PCDHA1: variants seen among roughly 807,000 people sequenced by gnomAD.
The protein encoded by PCDHA1 is protocadherin alpha 1, also known as protocadherin alpha-1.
Under a neutral mutation model 61.3 loss-of-function variants are expected in PCDHA1, and 42 were observed. The observed-to-expected ratio is 0.69, with a 90% CI of 0.54 to 0.89. PCDHA1 has a LOEUF of 0.89. Ranked by LOEUF, PCDHA1 falls within the 40% of genes least tolerant of loss-of-function variation. PCDHA1 has a pLI of 0.00. For synonymous variants in PCDHA1, 610 were observed against 553.8 expected, an observed-to-expected ratio of 1.10 and a Z score of -1.43; for missense variants, 1,256 against 1,235.3, an observed-to-expected ratio of 1.02 and a Z score of -0.25.
At chr5:140,849,879 G>T (rs1554143450) in intron 1 of PCDHA1, 2 of 1,598,636 alleles carry the variant, frequency 1.3e-6, no homozygotes, top group Admixed American at 1.7e-5. Context: ...CGAGTACACG[G>T]TGTTCGTGAA....
At chr5:140,913,808 A>T (rs1332519291) in intron 1 of PCDHA1, among the ~76,000 whole-genome samples, 1 of 152,102 alleles carries the variant, frequency 6.6e-6, no homozygotes, top group Non-Finnish European at 1.5e-5. Context: ...TCAAATTTTC[A>T]ATTTCCTTTT....
In PCDHA1 at chr5:140,998,286, A is replaced by G. The variant is rs913397915; in HGVS notation, c.2543-11341A>G. Among the ~76,000 whole-genome samples, 51 of 152,230 alleles carry G rather than the reference A, an allele frequency of 3.4e-4. 1 individual carries two copies. Among genetic ancestry groups the G allele is most frequent in the Non-Finnish European group, 1.5e-5 (1 of 68,044 alleles). On this transcript the variant is annotated intron_variant, in intron 3 of 3. Coordinates refer to ENST00000504120, the MANE Select transcript of PCDHA1 (RefSeq NM_018900.4). ...AAACTGACACCCATAGGATTAAATC[A>G]GATCACACATTTAGTAAGGGCACCA...
Position 140,910,294 on chromosome 5 carries a change from A to C in PCDHA1, c.2395-68655A>C, listed in dbSNP as rs146332329. Among the ~76,000 whole-genome samples, 1,310 of 151,558 alleles carry C rather than the reference A, an allele frequency of 8.6e-3. 14 individuals carry two copies. The highest frequency in any genetic ancestry group is 0.03 in the African/African-American group (1,252 of 41,252). ...TCTAGGAACACCATGATTAATCAAC[A>C]GATGCCAGAGATCTACATGAGTCAG... On this transcript the variant is annotated intron_variant, in intron 1 of 3. Transcript: ENST00000504120.
intron 1 of PCDHA1, among the ~76,000 whole-genome samples, chr5:140,972,314 GTGT>G (rs1387433472): frequency 1.3e-5 from 2 of 150,490 alleles, no homozygotes; most frequent in Non-Finnish European, 3.0e-5. Context: ...TAGTTTTTAG[GTGT>G]TTTTTTTTTT....
At chr5:140,929,160 T>G in intron 1 of PCDHA1, 1 of 1,614,130 alleles carries the variant, frequency 6.2e-7, no homozygotes, top group East Asian at 2.2e-5. Context: ...CTTATCTCTA[T>G]CGGGCCTCTC....
At chr5:140,848,903 A>T in intron 1 of PCDHA1, 1 of 1,607,734 alleles carries the variant, frequency 6.2e-7, no homozygotes, top group Non-Finnish European at 8.5e-7. Context: ...TCCCAGCGAC[A>T]CAAAAGAATC....
In PCDHA1 at chr5:140,786,225, A is replaced by T; in HGVS notation, c.-66A>T. 2 of 1,506,368 alleles carry T rather than the reference A, an allele frequency of 1.3e-6. No individual in the cohort carries two copies. Among genetic ancestry groups the T allele is most frequent in the Non-Finnish European group, 1.8e-6 (2 of 1,124,528 alleles). 93.3% of individuals were successfully genotyped at this position (1,506,368 alleles called of 1,614,324 possible). On this transcript the variant is annotated 5_prime_UTR_variant, in exon 1 of 4. Transcript: ENST00000504120. ...ACGGTAAAGAGATAAATGATTGGAA[A>T]TATTAGATAAAATGGCATGATTTTG...
intron 1 of PCDHA1, among the ~76,000 whole-genome samples, chr5:140,912,377 A>T (rs1202586249): frequency 1.3e-5 from 2 of 149,084 alleles, no homozygotes; most frequent in Admixed American, 6.7e-5. Context: ...TGTAAAAGGG[A>T]TTGAGTTCTT....
chr5:140,857,995 G>A, intron 1 of PCDHA1: 1 of 1,597,106 alleles, frequency 6.3e-7, no homozygotes, highest in East Asian at 2.2e-5. Context: ...TACTGGTGCT[G>A]GTGAAGGACC....
intron 1 of PCDHA1, among the ~76,000 whole-genome samples, chr5:140,886,289 T>C (rs115070123): frequency 0.081 from 12,299 of 152,020 alleles, 542 homozygotes; most frequent in Middle Eastern, 0.13. Context: ...ATTATTTTTA[T>C]ATTTATTTAT....
In PCDHA1 at chr5:140,993,462, T is replaced by C. The variant is rs540334246; in HGVS notation, c.2542+10899T>C. ...CATTCCTGTTCTCCTTCTTTCTTTCTCACACACACACACACACACACACAC... is the reference window on the plus strand; with the variant it reads ...CATTCCTGTTCTCCTTCTTTCTTTCCCACACACACACACACACACACACAC... On this transcript the variant is annotated intron_variant, in intron 3 of 3. Transcript: ENST00000504120. Among the ~76,000 whole-genome samples the C allele has an allele frequency of 4.2e-3, 597 of 141,044 alleles. 4 individuals are homozygous for C. Among genetic ancestry groups the C allele is most frequent in the African/African-American group, 0.015 (577 of 37,966 alleles). 92.5% of individuals were successfully genotyped at this position (141,044 alleles called of 152,430 possible).
At position 140,788,044 on chromosome 5, in the gene PCDHA1, T is replaced by G. The variant is rs1554118097; in HGVS notation, c.1754T>G (p.Val585Gly). 2 of 1,613,750 alleles carry G rather than the reference T, an allele frequency of 1.2e-6. No homozygotes were observed. The highest frequency in any genetic ancestry group is 3.3e-5 in the Admixed American group (2 of 60,002). ...GTCAGTGAGCTGGTGCCGCGATTGG[T>G]GGGTGCGGGTCATGTGGTGGCGAAG... ...GAVSELVPRL[V>G]GAGHVVAKVR... is the part of the protein sequence containing the mutation. The change falls in exon 1 of 4, where the codon GTG becomes GGG. Residue 585 changes from valine (V) to glycine (G), a missense_variant. Coordinates refer to ENST00000504120, the MANE Select transcript of PCDHA1 (RefSeq NM_018900.4).
At chr5:140,907,752 T>C (rs1255877387) in intron 1 of PCDHA1, among the ~76,000 whole-genome samples, 5 of 152,190 alleles carry the variant, frequency 3.3e-5, no homozygotes, top group African/African-American at 1.2e-4. Flanking sequence ...ACTTTGTTCA[T>C]GGGCCCATTG....
Position 140,830,509 on chromosome 5 carries a change from A to G in PCDHA1, c.2394+41825A>G, listed in dbSNP as rs1039294822. ...AAGTAAGTGAATTTTCATAATTAAC[A>G]GTTAATTTTTATTTTAAATTTATAA... On this transcript the variant is annotated intron_variant, in intron 1 of 3. Coordinates refer to ENST00000504120, the MANE Select transcript of PCDHA1 (RefSeq NM_018900.4). 2.8e-6 allele frequency: 4 copies of G among 1,410,936 alleles called. 1 individual carries two copies. Among genetic ancestry groups the G allele is most frequent in the Non-Finnish European group, 1.9e-6 (2 of 1,059,252 alleles). The allele number at this position is 1,410,936 out of a possible 1,614,324, so 87.4% of individuals were successfully genotyped here. A position where few individuals can be genotyped will look rare whatever the true frequency, so the allele number is the denominator to read the frequency against.
chr5:140,820,206 A>G (rs2150106272), intron 1 of PCDHA1, among the ~76,000 whole-genome samples: 45 of 152,132 alleles, frequency 3.0e-4, no homozygotes, highest in Middle Eastern at 6.8e-3. Flanking sequence ...TCAACGATCC[A>G]AATATTAGTG....
chr5:140,796,897 C>T (rs547112587), intron 1 of PCDHA1: 101 of 1,613,952 alleles, frequency 6.3e-5, no homozygotes, highest in Non-Finnish European at 8.5e-5. Flanking sequence ...CTCCCCTCGA[C>T]ACCGCCTACT....
At chr5:140,940,508 G>A (rs1171264265) in intron 1 of PCDHA1, among the ~76,000 whole-genome samples, 2 of 151,902 alleles carry the variant, frequency 1.3e-5, no homozygotes, top group African/African-American at 4.8e-5. Context: ...CGTCGCTCAG[G>A]CGTGATCATA....
intron 1 of PCDHA1, among the ~76,000 whole-genome samples, chr5:140,953,252 T>C (rs557973424): frequency 3.3e-5 from 5 of 152,318 alleles, no homozygotes; most frequent in Admixed American, 1.3e-4. Context: ...TTCAGTTTAG[T>C]TCTTTTAGCT....
At chr5:140,857,310 A>T in intron 1 of PCDHA1, 1 of 1,598,608 alleles carries the variant, frequency 6.3e-7, no homozygotes, top group Non-Finnish European at 8.6e-7. Flanking sequence ...TCGGCCTATG[A>T]GCTGGTGGTG....
Sources: allele counts gnomAD v4.1 joint callset (sites outside exome capture counted in the v4.1 genomes callset), GRCh38; gene constraint gnomAD v4.1.1; transcripts MANE v1.5; gene names NCBI Gene and HGNC (gene_info 2026-07-23, HGNC 2026-07-21).